Variants in CASZ1 observed in about 807,000 individuals in gnomAD.
CASZ1 encodes the protein zinc finger protein castor homolog 1.
A neutral mutation model predicts 135.2 loss-of-function variants in CASZ1; 28 were observed. The observed-to-expected ratio is 0.21, with a 90% CI of 0.15 to 0.28. CASZ1 has a LOEUF of 0.28. Ranked by LOEUF, CASZ1 falls within the 10% of genes least tolerant of loss-of-function variation. The pLI is 1.00. For missense variants in CASZ1, 2,161 were observed against 2,453.3 expected, an observed-to-expected ratio of 0.88 and a Z score of 2.52; for synonymous variants, 1,068 against 1,073.4, an observed-to-expected ratio of 0.99 and a Z score of 0.10.
rs1181871192 is a variant in CASZ1, at chr1:10,694,662, G to C, written c.-23-750C>G. 7.1e-6 allele frequency among the ~76,000 whole-genome samples: 1 copy of C among 141,372 alleles called. No individual in the cohort carries two copies. The highest frequency in any genetic ancestry group is 6.9e-5 in the Admixed American group (1 of 14,476). 92.7% of individuals were successfully genotyped at this position (141,372 alleles called of 152,430 possible). On this transcript the variant is annotated intron_variant, in intron 3 of 20. Coordinates refer to ENST00000377022, the MANE Select transcript of CASZ1 (RefSeq NM_001079843.3). This position sits in a 1 kb window ranked among gnomAD's most constrained non-coding sequence, Gnocchi z 6.6. ...GCCGCCCGCCGCCCGGTGCCGGAGT[G>C]AATGGGCTCGCGCTCGCTCGCGCCC...
chr1:10,736,060 T>C (rs1007640791), intron 2 of CASZ1, among the ~76,000 whole-genome samples: 14 of 152,288 alleles, frequency 9.2e-5, no homozygotes, highest in African/African-American at 3.1e-4. Context: ...CCCCAAGTCA[T>C]GAACGATGTC....
In CASZ1 at chr1:10,755,093, C is replaced by T. The variant is rs537452540; in HGVS notation, c.-77+5608G>A. On this transcript the variant is annotated intron_variant, in intron 2 of 20. Coordinates refer to ENST00000377022, the MANE Select transcript of CASZ1 (RefSeq NM_001079843.3). The surrounding 1 kb of genome is among the most constrained non-coding windows in gnomAD (Gnocchi z 4.3). ...GAGTGGAAGGGGAGCGACCCCCAGGCCTGAAGGGCAGAGAGCAAGCGGCAG... is the reference window on the plus strand; with the variant it reads ...GAGTGGAAGGGGAGCGACCCCCAGGTCTGAAGGGCAGAGAGCAAGCGGCAG... Among the ~76,000 whole-genome samples, 1 of 152,292 alleles carries T rather than the reference C, an allele frequency of 6.6e-6. No homozygotes were observed. The highest frequency in any genetic ancestry group is 1.5e-5 in the Non-Finnish European group (1 of 68,024).
chr1:10,653,062 G>A lies in CASZ1; in HGVS notation c.2680+315C>T, dbSNP rs374210314. 277 of 414,686 alleles carry A rather than the reference G, an allele frequency of 6.7e-4. 1 individual carries two copies. Among genetic ancestry groups the A allele is most frequent in the African/African-American group, 5.2e-3 (253 of 48,852 alleles). 25.7% of individuals were successfully genotyped at this position (414,686 alleles called of 1,614,324 possible). A position where few individuals can be genotyped will look rare whatever the true frequency, so the allele number is the denominator to read the frequency against. ...CAGGGTGGACTTGGGATGTGGGAGG[G>A]TGAGCAGACAGGGAGGGGGGACCTG... On this transcript the variant is annotated intron_variant, in intron 11 of 20. Transcript: ENST00000377022.
chr1:10,749,596 C>T (rs1446865423), intron 2 of CASZ1, among the ~76,000 whole-genome samples: 1 of 152,132 alleles, frequency 6.6e-6, no homozygotes, highest in Admixed American at 6.5e-5. Context: ...TTTCCCCCTT[C>T]AGCCAGGTGT....
Position 10,756,627 on chromosome 1 carries a change from C to T in CASZ1, c.-77+4074G>A, listed in dbSNP as rs1640263041. 6.6e-6 allele frequency among the ~76,000 whole-genome samples: 1 copy of T among 152,194 alleles called. No homozygotes were observed. Among genetic ancestry groups the T allele is most frequent in the African/African-American group, 2.4e-5 (1 of 41,454 alleles). On this transcript the variant is annotated intron_variant, in intron 2 of 20. Coordinates refer to ENST00000377022, the MANE Select transcript of CASZ1 (RefSeq NM_001079843.3). This position sits in a 1 kb window ranked among gnomAD's most constrained non-coding sequence, Gnocchi z 5.9. ...CTGGCCCTCACAGATGGTGTCAGGA[C>T]CCAGGAGAGTGGAGCCTCATGTCAG...
intron 4 of CASZ1, among the ~76,000 whole-genome samples, chr1:10,691,266 GGAC>G (rs1450002074): frequency 6.6e-6 from 1 of 152,136 alleles, no homozygotes; most frequent in African/African-American, 2.4e-5. Flanking sequence ...TGGTGAATTA[GGAC>G]GACATCGGCA....
At chr1:10,644,881 C>A in intron 18 of CASZ1, 36 bp downstream of exon 18, 1 of 1,588,672 alleles carries the variant, frequency 6.3e-7, no homozygotes. Context: ...TTGATGCCTG[C>A]TGCAAGTCCC....
Position 10,643,218 on chromosome 1 carries a change from G to C in CASZ1, c.3962C>G (p.Ala1321Gly). The C allele has an allele frequency of 6.2e-7, 1 of 1,612,796 alleles. No individual in the cohort carries two copies. The highest frequency in any genetic ancestry group is 8.5e-7 in the Non-Finnish European group (1 of 1,180,004). ...FLLKHQMTSH[A>G]RKHMRRMLGK... ...CAGCATCCTCCGCATGTGCTTCCGC[G>C]CGTGGGAGGTCATCTGGTGCTTGAG... Residue 1321 changes from alanine to glycine, a missense_variant, in exon 19 of 21, where the codon GCG (alanine) becomes GGG (glycine). Physicochemically the swap from Ala to Gly is moderately conservative, Grantham distance 60. Coordinates refer to ENST00000377022, the MANE Select transcript of CASZ1 (RefSeq NM_001079843.3).
intron 4 of CASZ1, among the ~76,000 whole-genome samples, chr1:10,683,737 C>T (rs910042382): frequency 6.6e-6 from 1 of 152,146 alleles, no homozygotes; most frequent in Non-Finnish European, 1.5e-5. Flanking sequence ...TGGGAGCACT[C>T]GTTTCTGCAA....
rs1269410852 is a variant in CASZ1 at position 10,725,970 on chromosome 1, T to C, written c.-76-20426A>G. ...AGAGCAGGGTGAGGCTCCACCTCAGTGCACTAGGAAATAATGGTAATAGCA... is the reference window on the plus strand; with the variant it reads ...AGAGCAGGGTGAGGCTCCACCTCAGCGCACTAGGAAATAATGGTAATAGCA... On this transcript the variant is annotated intron_variant, in intron 2 of 20. Coordinates refer to ENST00000377022, the MANE Select transcript of CASZ1 (RefSeq NM_001079843.3). The surrounding 1 kb of genome is among the most constrained non-coding windows in gnomAD (Gnocchi z 4.4). 6.6e-6 allele frequency among the ~76,000 whole-genome samples: 1 copy of C among 152,098 alleles called. No homozygotes were observed.
At chr1:10,670,541 C>T (rs1643367509) in intron 4 of CASZ1, among the ~76,000 whole-genome samples, 1 of 152,238 alleles carries the variant, frequency 6.6e-6, no homozygotes, top group Non-Finnish European at 1.5e-5. Context: ...AACAACCTCT[C>T]TCTTGAGTAC....
rs144158438 is a variant in CASZ1 at position 10,767,745 on chromosome 1, A to G, written c.-233-6888T>C. Among the ~76,000 whole-genome samples, 71 of 152,272 alleles carry G rather than the reference A, an allele frequency of 4.7e-4. No homozygotes were observed. Among genetic ancestry groups the G allele is most frequent in the African/African-American group, 1.6e-3 (67 of 41,542 alleles). The stretch of plus-strand genomic sequence containing the variant: ...AAATCTGAGCCATATTTTATGACCC[A>G]CTGCAAGCAGAAAGGGCCACATCAG... On this transcript the variant is annotated intron_variant, in intron 1 of 20. Transcript: ENST00000377022. This position sits in a 1 kb window ranked among gnomAD's most constrained non-coding sequence, Gnocchi z 4.2.
At chr1:10,769,689 G>A (rs1365988602) in intron 1 of CASZ1, among the ~76,000 whole-genome samples, 1 of 152,090 alleles carries the variant, frequency 6.6e-6, no homozygotes, top group Admixed American at 6.6e-5. Flanking sequence ...GCTAATTTTT[G>A]TATTTTTAGT....
Position 10,665,560 on chromosome 1 carries a change from G to A in CASZ1, c.28C>T (p.Arg10Trp), listed in dbSNP as rs747799429. MDLGTAEGT[R>W]CTDPPAGKPA... is the part of the protein sequence containing the mutation. The stretch of plus-strand genomic sequence containing the variant: ...TTGCCTGCAGGCGGGTCCGTGCACC[G>A]GGTGCCCTCAGCTGCAGGGATGGAG... The change falls in exon 5 of 21, where the codon CGG (arginine) becomes TGG (tryptophan). Residue 10 changes from arginine to tryptophan, a missense_variant. By Grantham distance (101) the Arg-to-Trp change is moderately radical. This residue lies in a region of CASZ1 where 590 missense variants were observed against 609.8 expected (regional missense o/e 0.97). Coordinates refer to ENST00000377022, the MANE Select transcript of CASZ1 (RefSeq NM_001079843.3). 2.2e-5 allele frequency: 34 copies of A among 1,561,932 alleles called. 1 individual carries two copies. The highest frequency in any genetic ancestry group is 1.7e-4 in the South Asian group (15 of 85,862).
intron 5 of CASZ1, among the ~76,000 whole-genome samples, chr1:10,664,508 T>A (rs1188040602): frequency 6.6e-6 from 1 of 151,982 alleles, no homozygotes; most frequent in African/African-American, 2.4e-5. Flanking sequence ...GGGCTGGCAA[T>A]CCATGTGGCC....
intron 3 of CASZ1, among the ~76,000 whole-genome samples, chr1:10,698,804 G>C (rs1312666097): frequency 6.6e-6 from 1 of 152,224 alleles, no homozygotes; most frequent in Non-Finnish European, 1.5e-5. Flanking sequence ...TGGCTCCTGA[G>C]AAGTCCTCAG....
chr1:10,779,558 G>T (rs1212122778), intron 1 of CASZ1, among the ~76,000 whole-genome samples: 2 of 152,104 alleles, frequency 1.3e-5, no homozygotes, highest in Non-Finnish European at 2.9e-5. Context: ...ATCATAGGGG[G>T]GGAATTTAAA....
intron 2 of CASZ1, among the ~76,000 whole-genome samples, chr1:10,743,387 C>T (rs574595110): frequency 3.3e-4 from 50 of 151,558 alleles, no homozygotes; most frequent in African/African-American, 8.0e-4. Context: ...TCAGACCCAT[C>T]GGTTCATGGG....
intron 5 of CASZ1, among the ~76,000 whole-genome samples, chr1:10,663,391 G>A (rs1183501322): frequency 1.3e-5 from 2 of 152,192 alleles, no homozygotes; most frequent in East Asian, 1.9e-4. Context: ...TGCACAGAGG[G>A]ACTCAAGAAA....
Sources: allele counts gnomAD v4.1 joint callset (sites outside exome capture counted in the v4.1 genomes callset), GRCh38; gene constraint gnomAD v4.1.1; regional missense constraint gnomAD v4.1.1; non-coding constraint Gnocchi (gnomAD v3.1); transcripts MANE v1.5; gene names NCBI Gene and HGNC (gene_info 2026-07-23, HGNC 2026-07-21).